The following KIF5A variants were observed in gnomAD, a reference collection of about 807,000 sequenced individuals.
KIF5A encodes kinesin family member 5A, also known as kinesin heavy chain isoform 5A.
Under a neutral mutation model 141.3 loss-of-function variants are expected in KIF5A, and 35 were observed. That is an observed-to-expected ratio of 0.25 (90% CI 0.19 to 0.33). The LOEUF is 0.33. Ranked by LOEUF, KIF5A falls within the 10% of genes least tolerant of loss-of-function variation. The probability of loss-of-function intolerance (pLI) is 1.00; values close to 1 mark genes in which losing one functional copy is unlikely to be tolerated. For missense variants in KIF5A, 861 were observed against 1,314.3 expected (o/e 0.66, Z 5.33); for synonymous variants, 448 against 500.2 (o/e 0.90, Z 1.39).
chr12:57,564,235 G>A (rs1222050212), intron 4 of KIF5A, 23 bp downstream of exon 4: 2 of 1,486,792 alleles, frequency 1.3e-6, no homozygotes, highest in Non-Finnish European at 1.9e-6. Flanking sequence ...CGACAGCTGG[G>A]CATTCAGATG....
At chr12:57,563,390 C>T (rs1309114527) in intron 1 of KIF5A, 49 bp from the exon 2 acceptor site, 1 of 1,344,284 alleles carries the variant, frequency 7.4e-7, no homozygotes, top group South Asian at 1.2e-5. Flanking sequence ...TATTTCTTTT[C>T]CCTCACATCC....
Position 57,572,436 on chromosome 12 carries a change from CCT to C in KIF5A, c.1570-141_1570-140del. 1 of 1,297,296 alleles carries C rather than the reference CCT, an allele frequency of 7.7e-7. No homozygotes were observed. The highest frequency in any genetic ancestry group is 2.5e-5 in the East Asian group (1 of 39,894). The allele number at this position is 1,297,296 out of a possible 1,614,324, so 80.4% of individuals were successfully genotyped here. A position where few individuals can be genotyped will look rare whatever the true frequency, so the allele number is the denominator to read the frequency against. Reference sequence around the variant, plus strand: ...GTCACTGCACTTTCCCCTCACAGTCCCTCTGTCTTTCAGACTCTTCTGCAGGG... The same window carrying C: ...GTCACTGCACTTTCCCCTCACAGTCCCTGTCTTTCAGACTCTTCTGCAGGG... On this transcript the variant is annotated intron_variant, in intron 14 of 28. Coordinates refer to ENST00000455537, the MANE Select transcript of KIF5A (RefSeq NM_004984.4). This position sits in a 1 kb window ranked among gnomAD's most constrained non-coding sequence, Gnocchi z 4.2.
chr12:57,579,987 A>T (rs1369479378), intron 23 of KIF5A, among the ~76,000 whole-genome samples: 1 of 152,232 alleles, frequency 6.6e-6, no homozygotes, highest in African/African-American at 2.4e-5. Context: ...AAGGAAAAGG[A>T]GATAAAAACT....
At chr12:57,568,208 G>T (rs1424790574) in intron 8 of KIF5A, among the ~76,000 whole-genome samples, 1 of 152,154 alleles carries the variant, frequency 6.6e-6, no homozygotes, top group East Asian at 1.9e-4. Flanking sequence ...AAAATGATTT[G>T]CATTGGGATA....
intron 1 of KIF5A, among the ~76,000 whole-genome samples, chr12:57,559,799 A>G (rs1440314998): frequency 6.6e-6 from 1 of 152,218 alleles, no homozygotes; most frequent in African/African-American, 2.4e-5. Flanking sequence ...GGAGTAATAC[A>G]GTATGTGCTC....
chr12:57,560,387 T>C (rs1414585626), intron 1 of KIF5A, among the ~76,000 whole-genome samples: 1 of 152,242 alleles, frequency 6.6e-6, no homozygotes, highest in Non-Finnish European at 1.5e-5. Flanking sequence ...TTCTTAGAAG[T>C]AGAATTTCTA....
intron 13 of KIF5A, 115 bp downstream of exon 13, chr12:57,571,504 ATCAC>A: frequency 2.0e-6 from 2 of 984,550 alleles, no homozygotes; most frequent in Non-Finnish European, 3.2e-6. Context: ...TTGGGGATTA[ATCAC>A]TCCCCTAAAC....
chr12:57,578,116 A>G, intron 22 of KIF5A, 36 bp downstream of exon 22: 1 of 1,594,116 alleles, frequency 6.3e-7, no homozygotes, highest in Non-Finnish European at 8.6e-7. Flanking sequence ...CAGCCCCCAC[A>G]TCCTCCTCCT....
Position 57,575,152 on chromosome 12 carries a change from A to C in KIF5A, c.1785A>C (p.Lys595Asn). 1 of 1,614,108 alleles carries C rather than the reference A, an allele frequency of 6.2e-7. No individual in the cohort carries two copies. Among genetic ancestry groups the C allele is most frequent in the Non-Finnish European group, 8.5e-7 (1 of 1,180,014 alleles). The change falls in exon 16 of 29, where the codon AAA becomes AAC. Residue 595 changes from lysine (K) to asparagine (N), a missense_variant. Physicochemically the swap from Lys to Asn is moderately conservative, Grantham distance 94. This residue lies in a region of KIF5A where 482 missense variants were observed against 661.3 expected (regional missense o/e 0.73). Transcript: ENST00000455537. ...CCCGACTCTACATCAGCAAAATCAA[A>C]TCAGAAGTCAAGTCTGTGGTCAAGC... ...TVARLYISKI[K>N]SEVKSVVKRC...
At chr12:57,568,400 A>G (rs148428378) in intron 8 of KIF5A, among the ~76,000 whole-genome samples, 1 of 152,092 alleles carries the variant, frequency 6.6e-6, no homozygotes, top group African/African-American at 2.4e-5. Context: ...TTCTGTCTCT[A>G]TGGATTTGCC....
Position 57,552,605 on chromosome 12 carries a change from G to A in KIF5A, c.129+2205G>A, listed in dbSNP as rs1004822435. On this transcript the variant is annotated intron_variant, in intron 1 of 28. Transcript: ENST00000455537. ...AGACTTAATATTCATTCATCATTTA[G>A]GGAATGAGGGCTACAGGAGACATGA... is the stretch of plus-strand genomic sequence containing the variant. Among the ~76,000 whole-genome samples, 46 of 152,150 alleles carry A rather than the reference G, an allele frequency of 3.0e-4. 1 individual carries two copies. Among genetic ancestry groups the A allele is most frequent in the South Asian group, 2.1e-4 (1 of 4,834 alleles).
intron 23 of KIF5A, among the ~76,000 whole-genome samples, chr12:57,580,210 G>A (rs1017980150): frequency 6.6e-6 from 1 of 152,132 alleles, no homozygotes; most frequent in African/African-American, 2.4e-5. Context: ...GCAACCTATA[G>A]TGCCCCCAGT....
Position 57,563,456 on chromosome 12 carries a change from T to C in KIF5A, c.147T>C (p.Phe49=). The part of the protein sequence containing the change: ...SVVIGGKPYV[F]DRVFPPNTTQ... ...CATTCCAGGGGAAGCCATATGTTTTTGACCGTGTATTCCCCCCAAACACGA... is the reference window on the plus strand; with the variant it reads ...CATTCCAGGGGAAGCCATATGTTTTCGACCGTGTATTCCCCCCAAACACGA... The change falls in exon 2 of 29, where the codon TTT becomes TTC. Residue 49 remains phenylalanine, a synonymous_variant. Transcript: ENST00000455537. The C allele has an allele frequency of 6.2e-7, 1 of 1,613,034 alleles. No homozygotes were observed. Among genetic ancestry groups the C allele is most frequent in the Non-Finnish European group, 8.5e-7 (1 of 1,178,968 alleles).
In KIF5A at chr12:57,572,407, C is replaced by A; in HGVS notation, c.1569+140C>A. On this transcript the variant is annotated intron_variant, in intron 14 of 28. Transcript: ENST00000455537. The surrounding 1 kb of genome is among the most constrained non-coding windows in gnomAD (Gnocchi z 4.2). Reference sequence around the variant, plus strand: ...CAGTGCATTGTGAGTCCCTCCCCAACCCTGTCACTGCACTTTCCCCTCACA... The same window carrying A: ...CAGTGCATTGTGAGTCCCTCCCCAAACCTGTCACTGCACTTTCCCCTCACA... The A allele has an allele frequency of 8.0e-7, 1 of 1,242,258 alleles. No individual in the cohort carries two copies. Among genetic ancestry groups the A allele is most frequent in the Non-Finnish European group, 1.2e-6 (1 of 868,880 alleles). 77.0% of individuals were successfully genotyped at this position (1,242,258 alleles called of 1,614,324 possible). A position where few individuals can be genotyped will look rare whatever the true frequency, so the allele number is the denominator to read the frequency against.
rs772692749 is a variant in KIF5A, at chr12:57,578,377, G to T, written c.2538+35G>T. On this transcript the variant is annotated intron_variant, in intron 23 of 28. Transcript: ENST00000455537. ...TGCTGAAGGAGTGAAGAGAATTTTT[G>T]AGGCCGGGTAGCTAGCATACCAAAT... 7.6e-6 allele frequency: 11 copies of T among 1,456,266 alleles called. 2 individuals carry two copies. The South Asian group carries it at 1.3e-4, about 17-fold the overall frequency. The allele number at this position is 1,456,266 out of a possible 1,614,324, so 90.2% of individuals were successfully genotyped here. A position where few individuals can be genotyped will look rare whatever the true frequency, so the allele number is the denominator to read the frequency against.
At chr12:57,581,325 A>T in intron 24 of KIF5A, 90 bp from the exon 25 acceptor site, 1 of 1,573,014 alleles carries the variant, frequency 6.4e-7, no homozygotes, top group South Asian at 1.1e-5. Flanking sequence ...GTTACAAGCA[A>T]CTCAGTTCAA....
intron 1 of KIF5A, among the ~76,000 whole-genome samples, chr12:57,551,778 C>T (rs1594904800): frequency 6.6e-6 from 1 of 151,996 alleles, no homozygotes; most frequent in Admixed American, 6.6e-5. Flanking sequence ...AATAAACATG[C>T]TTCGGGGGAG....
At chr12:57,569,137 C>T in intron 9 of KIF5A, 70 bp downstream of exon 9, 3 of 1,547,094 alleles carry the variant, frequency 1.9e-6, no homozygotes, top group Non-Finnish European at 2.7e-6. Context: ...CTAATGCCAC[C>T]ATATGATCAT....
Position 57,583,155 on chromosome 12 carries a change from C to T in KIF5A, c.3075C>T (p.Leu1025=), listed in dbSNP as rs2140173044. 6.2e-7 allele frequency: 1 copy of T among 1,614,032 alleles called. No individual in the cohort carries two copies. The highest frequency in any genetic ancestry group is 8.5e-7 in the Non-Finnish European group (1 of 1,179,974). ...EAEDQAKLFP[L]HQETAAS ...AGGACCAGGCCAAGCTTTTCCCTCT[C>T]CACCAAGAGACAGCAGCCAGCTAAT... Residue 1025 remains leucine (L), a synonymous_variant, in exon 28 of 29, where the codon CTC becomes CTT. Transcript: ENST00000455537.
Sources: allele counts gnomAD v4.1 joint callset (sites outside exome capture counted in the v4.1 genomes callset), GRCh38; gene constraint gnomAD v4.1.1; regional missense constraint gnomAD v4.1.1; non-coding constraint Gnocchi (gnomAD v3.1); transcripts MANE v1.5; gene names NCBI Gene and HGNC (gene_info 2026-07-23, HGNC 2026-07-21).